Variants in KNOP1 observed in about 807,000 individuals in gnomAD.
KNOP1 encodes lysine-rich nucleolar protein 1.
Under a neutral mutation model 30.6 loss-of-function variants are expected in KNOP1, and 20 were observed. The observed-to-expected ratio is 0.65, with a 90% CI of 0.46 to 0.95. KNOP1 has a LOEUF of 0.95. Among genes scored for constraint, KNOP1 ranks in the 40% least tolerant of loss-of-function variants. The probability of loss-of-function intolerance (pLI) is 0.00; values close to 1 mark genes in which losing one functional copy is unlikely to be tolerated. For missense variants in KNOP1, 540 were observed against 562.0 expected (o/e 0.96, Z 0.40); for synonymous variants, 204 against 210.0 (o/e 0.97, Z 0.25).
rs561990167 is a variant in KNOP1, at chr16:19,713,541, G to A, written c.918+577C>T. Among the ~76,000 whole-genome samples, 4 of 152,224 alleles carry A rather than the reference G, an allele frequency of 2.6e-5. No homozygotes were observed. In the South Asian group the frequency reaches 6.2e-4, roughly 24 times the overall value. ...GCTGGGATGAAAGCCTAGAGCTGCC[G>A]GGACCATCAGGTCACAATGTGATGG... On this transcript the variant is annotated intron_variant, in intron 2 of 4. Coordinates refer to ENST00000219837, the MANE Select transcript of KNOP1 (RefSeq NM_001012991.3).
intron 4 of KNOP1, among the ~76,000 whole-genome samples, chr16:19,708,281 G>A (rs911426785): frequency 3.3e-5 from 5 of 151,882 alleles, no homozygotes; most frequent in African/African-American, 7.3e-5. Context: ...GCCAGAGTGC[G>A]CTACCACCCA....
At chr16:19,710,061 C>G (rs1223360245) in intron 4 of KNOP1, among the ~76,000 whole-genome samples, 1 of 152,164 alleles carries the variant, frequency 6.6e-6, no homozygotes, top group Non-Finnish European at 1.5e-5. Flanking sequence ...CCTGAGAGAT[C>G]TTCTCAGGCC....
intron 1 of KNOP1, 103 bp downstream of exon 1, chr16:19,718,055 G>A (rs532561459): frequency 4.2e-6 from 6 of 1,412,930 alleles, no homozygotes; most frequent in South Asian, 3.0e-5. Context: ...CGGATTCAGG[G>A]ATGTGGGTGG....
chr16:19,707,790 G>A (rs1165858273), intron 4 of KNOP1, among the ~76,000 whole-genome samples: 1 of 77,704 alleles, frequency 1.3e-5, no homozygotes, highest in East Asian at 4.4e-4. Context: ...CTCCCACCAC[G>A]CTACACAGCA....
chr16:19,710,216 T>G, intron 4 of KNOP1: 2 of 480,620 alleles, frequency 4.2e-6, no homozygotes, highest in Non-Finnish European at 3.8e-6. Flanking sequence ...CGCTGGAATG[T>G]GTCCTCAGTG....
At chr16:19,708,624 C>G (rs8044607) in intron 4 of KNOP1, among the ~76,000 whole-genome samples, 1 of 152,074 alleles carries the variant, frequency 6.6e-6, no homozygotes, top group Non-Finnish European at 1.5e-5. Context: ...CTGACATCGA[C>G]GCTGCCTGGG....
chr16:19,707,842 C>T (rs1335585721), intron 4 of KNOP1, among the ~76,000 whole-genome samples: 2 of 104,836 alleles, frequency 1.9e-5, no homozygotes, highest in East Asian at 6.1e-4. Context: ...CTCCCCTAAC[C>T]ACGCTACACA....
At chr16:19,710,398 G>C in intron 4 of KNOP1, 111 bp downstream of exon 4, 1 of 1,045,606 alleles carries the variant, frequency 9.6e-7, no homozygotes, top group South Asian at 1.3e-5. Context: ...GGCTGCCTCT[G>C]GGGCCTGGAC....
In KNOP1 at chr16:19,706,734, C is replaced by T; in HGVS notation, c.*176G>A. On this transcript the variant is annotated 3_prime_UTR_variant, in exon 5 of 5. Coordinates refer to ENST00000219837, the MANE Select transcript of KNOP1 (RefSeq NM_001012991.3). ...GCTTTCATTTGCACAACTGAATAAA[C>T]CATTTATGCCTAGTGTTCCATTACT... 1.4e-6 allele frequency: 1 copy of T among 693,560 alleles called. No homozygotes were observed. The allele number at this position is 693,560 out of a possible 1,614,324, so 43.0% of individuals were successfully genotyped here. A position where few individuals can be genotyped will look rare whatever the true frequency, so the allele number is the denominator to read the frequency against.
chr16:19,717,798 G>A, intron 1 of KNOP1: 2 of 996,492 alleles, frequency 2.0e-6, no homozygotes, highest in Non-Finnish European at 1.2e-6. Flanking sequence ...GGAAAACGGA[G>A]ACTGGAATTC....
chr16:19,711,203 A>C (rs1976700600), intron 3 of KNOP1, among the ~76,000 whole-genome samples, 169 bp downstream of exon 3: 1 of 152,254 alleles, frequency 6.6e-6, no homozygotes, highest in Non-Finnish European at 1.5e-5. Context: ...GGATGGGGAA[A>C]GCACGCATTC....
rs568630356 is a variant in KNOP1 at position 19,707,865 on chromosome 16, C to A, written c.1066-644G>T. Among the ~76,000 whole-genome samples, 3 of 89,418 alleles carry A rather than the reference C, an allele frequency of 3.4e-5. 1 individual carries two copies. The highest frequency in any genetic ancestry group is 7.3e-5 in the Non-Finnish European group (3 of 40,992). 58.7% of individuals were successfully genotyped at this position (89,418 alleles called of 152,430 possible). On this transcript the variant is annotated intron_variant, in intron 4 of 4. Transcript: ENST00000219837. ...ACCACGCTACACAGTGCACTCCCCCCACCACCCTACACATCGCACTCCCCC... is the reference window on the plus strand; with the variant it reads ...ACCACGCTACACAGTGCACTCCCCCAACCACCCTACACATCGCACTCCCCC...
At chr16:19,710,694 C>A in intron 3 of KNOP1, 108 bp from the exon 4 acceptor site, 1 of 812,030 alleles carries the variant, frequency 1.2e-6, no homozygotes, top group Non-Finnish European at 2.1e-6. Flanking sequence ...GAGGAACTAA[C>A]ACAGCTTGAC....
rs1478503869 is a variant in KNOP1 at position 19,707,143 on chromosome 16, C to T, written c.1144G>A (p.Gly382Ser). 6.2e-7 allele frequency: 1 copy of T among 1,614,098 alleles called. No individual in the cohort carries two copies. The highest frequency in any genetic ancestry group is 1.7e-5 in the Admixed American group (1 of 60,014). Residue 382 changes from glycine to serine, a missense_variant, in exon 5 of 5, where the codon GGC (glycine) becomes AGC (serine). Physicochemically the swap from Gly to Ser is moderately conservative, Grantham distance 56. Transcript: ENST00000219837. ...AACGAAGGGGACAGGTTTTTGAAGC[C>T]ACCCATAAGTCTGAGAAATTTCAGT... Reference protein sequence around the residue: ...QKLKFLRLMGGFKNLSPSFSR... With the variant: ...QKLKFLRLMGSFKNLSPSFSR...
Position 19,717,933 on chromosome 16 carries a change from C to G in KNOP1, c.-3+225G>C. 3.4e-6 allele frequency: 4 copies of G among 1,167,860 alleles called. No homozygotes were observed. In the South Asian group the frequency reaches 7.8e-5, roughly 23 times the overall value. 72.3% of individuals were successfully genotyped at this position (1,167,860 alleles called of 1,614,324 possible). A position where few individuals can be genotyped will look rare whatever the true frequency, so the allele number is the denominator to read the frequency against. On this transcript the variant is annotated intron_variant, in intron 1 of 4. Coordinates refer to ENST00000219837, the MANE Select transcript of KNOP1 (RefSeq NM_001012991.3). ...AGGCTCCCATGGGCCCAAGCCTCCG[C>G]ATCAACAGACTGGGAGGGATTACGT... is the stretch of plus-strand genomic sequence containing the variant.
At position 19,714,436 on chromosome 16, in the gene KNOP1, C is replaced by G; in HGVS notation, c.600G>C (p.Arg200=). The G allele has an allele frequency of 1.2e-6, 2 of 1,613,892 alleles. No homozygotes were observed. The highest frequency in any genetic ancestry group is 1.7e-6 in the Non-Finnish European group (2 of 1,179,984). ...DEEQAALGQK[R]KRKSPREHNG... is the part of the protein sequence containing the mutation. ...TGTGTTCTCTGGGGCTCTTCCGCTTCCGTTTCTGCCCCAAGGCTGCCTGTT... is the reference window on the plus strand; with the variant it reads ...TGTGTTCTCTGGGGCTCTTCCGCTTGCGTTTCTGCCCCAAGGCTGCCTGTT... The change falls in exon 2 of 5, where the codon CGG becomes CGC. Residue 200 remains arginine (R), a synonymous_variant. Coordinates refer to ENST00000219837, the MANE Select transcript of KNOP1 (RefSeq NM_001012991.3).
rs185700643 is a variant in KNOP1, at chr16:19,714,240, C to T, written c.796G>A (p.Ala266Thr). The T allele has an allele frequency of 1.1e-5, 17 of 1,614,022 alleles. No individual in the cohort carries two copies. The highest frequency in any genetic ancestry group is 5.3e-5 in the African/African-American group (4 of 75,012). ...TTTTTGGACTTCATCTTTTTCTTTG[C>T]GGAGGCCTTAGGGTCATCACTTATG... Reference protein sequence around the residue: ...IPISDDPKASAKKKMKSKKKV... With the variant: ...IPISDDPKASTKKKMKSKKKV... The change falls in exon 2 of 5, where the codon GCA becomes ACA. Residue 266 changes from alanine to threonine, a missense_variant. Transcript: ENST00000219837.
chr16:19,707,833 T>TCA, intron 4 of KNOP1, among the ~76,000 whole-genome samples: 1 of 33,982 alleles, frequency 2.9e-5, no homozygotes, highest in Non-Finnish European at 5.5e-5. Context: ...AAAGCGCACC[T>TCA]CCCCTAACCA....
At position 19,714,497 on chromosome 16, in the gene KNOP1, A is replaced by G; in HGVS notation, c.539T>C (p.Val180Ala). Reference sequence around the variant, plus strand: ...CTTCCCCACTGAGCAAGTGTCCCCAACATCCCTGGCCTCCCTGGCCTCACA... The same window carrying G: ...CTTCCCCACTGAGCAAGTGTCCCCAGCATCCCTGGCCTCCCTGGCCTCACA... ...WFCEAREARD[V>A]GDTCSVGKKD... Residue 180 changes from valine (V) to alanine (A), a missense_variant, in exon 2 of 5, where the codon GTT becomes GCT. Val to Ala is a moderately conservative substitution (Grantham distance 64). Coordinates refer to ENST00000219837, the MANE Select transcript of KNOP1 (RefSeq NM_001012991.3). 6.2e-7 allele frequency: 1 copy of G among 1,613,900 alleles called. No homozygotes were observed. The highest frequency in any genetic ancestry group is 8.5e-7 in the Non-Finnish European group (1 of 1,179,956).
Sources: gnomAD v4.1 joint callset for allele counts (sites outside exome capture counted in the v4.1 genomes callset) on GRCh38, gnomAD v4.1.1 for gene constraint, MANE v1.5 for transcripts, NCBI Gene and HGNC (gene_info 2026-07-23, HGNC 2026-07-21) for gene names.